The following CUEDC1 variants were observed in gnomAD, a reference collection of about 807,000 sequenced individuals.
CUEDC1 encodes CUE domain containing 1.
CUEDC1 carries 30 observed loss-of-function variants against 43.7 expected under a neutral mutation model. The observed-to-expected ratio is 0.69, with a 90% CI of 0.51 to 0.93. The LOEUF (loss-of-function observed/expected upper bound fraction) is 0.93. Among genes scored for constraint, CUEDC1 ranks in the 40% least tolerant of loss-of-function variants. The pLI, the probability that CUEDC1 is intolerant of heterozygous loss-of-function variation, is 0.00. For missense variants in CUEDC1, 486 were observed against 549.0 expected (o/e 0.89, Z 1.15); for synonymous variants, 223 against 223.6 (o/e 1.00, Z 0.02).
At chr17:57,944,212 T>A (rs28463082) in intron 1 of CUEDC1, among the ~76,000 whole-genome samples, 40,653 of 117,146 alleles carry the variant, frequency 0.35, 5,770 homozygotes, top group African/African-American at 0.41. Context: ...ATATATATAT[T>A]TTTTTTTTTT....
rs1406270642 is a variant in CUEDC1, at chr17:57,926,781, C to CTTTT, written c.-316+28443_-316+28444insAAAA. On this transcript the variant is annotated intron_variant, in intron 1 of 10. Transcript: ENST00000577830. ...CAAATTAGAGGCAAAAATATAACCA[C>CTTTT]ATCGTTTTTCTTTTCAAACCACTCA... 1.1e-3 allele frequency among the ~76,000 whole-genome samples: 173 copies of CTTTT among 152,312 alleles called. 2 individuals are homozygous for CTTTT. Among genetic ancestry groups the CTTTT allele is most frequent in the African/African-American group, 4.1e-3 (169 of 41,570 alleles).
chr17:57,896,370 C>T (rs1156734613), intron 1 of CUEDC1, among the ~76,000 whole-genome samples: 1 of 152,028 alleles, frequency 6.6e-6, no homozygotes, highest in Non-Finnish European at 1.5e-5. Flanking sequence ...CTATATAATG[C>T]TATTCAATAA....
Position 57,885,520 on chromosome 17 carries a change from AC to A in CUEDC1, c.44del (p.Gly15ValfsTer73). On this transcript the variant is annotated frameshift_variant, in exon 2 of 11. Coordinates refer to ENST00000577830, the MANE Select transcript of CUEDC1 (RefSeq NM_001271875.2). LOFTEE classifies it high-confidence loss of function. ...CGCCCCCGCGTGCCCCGGCGGTGCC[AC>A]CCCCGCCGCTGCCGCTGCTGCTCCG... ...FRRSSSGSGG[G>X]GTAGARGGGG... 1 of 1,376,970 alleles carries A rather than the reference AC, an allele frequency of 7.3e-7. No homozygotes were observed. Among genetic ancestry groups the A allele is most frequent in the Non-Finnish European group, 9.3e-7 (1 of 1,073,092 alleles). 85.3% of individuals were successfully genotyped at this position (1,376,970 alleles called of 1,614,324 possible).
rs565629455 is a variant in CUEDC1, at chr17:57,921,371, A to T, written c.-316+33854T>A. ...TTTCTTGAAAAGAAAAGAGATGAAA[A>T]AAAAAAGCAGTGAAACATTCACCCT... On this transcript the variant is annotated intron_variant, in intron 1 of 10. Coordinates refer to ENST00000577830, the MANE Select transcript of CUEDC1 (RefSeq NM_001271875.2). 1.6e-4 allele frequency among the ~76,000 whole-genome samples: 25 copies of T among 152,354 alleles called. No homozygotes were observed. In the South Asian group the frequency reaches 4.8e-3, roughly 29 times the overall value.
In CUEDC1 at chr17:57,872,831, CA is replaced by C. The variant is rs2074054536; in HGVS notation, c.615del (p.Ser207ValfsTer40). 6.2e-7 allele frequency: 1 copy of C among 1,613,662 alleles called. No individual in the cohort carries two copies. The highest frequency in any genetic ancestry group is 8.5e-7 in the Non-Finnish European group (1 of 1,179,874). On this transcript the variant is annotated frameshift_variant, in exon 5 of 11. Coordinates refer to ENST00000577830, the MANE Select transcript of CUEDC1 (RefSeq NM_001271875.2). LOFTEE classifies it high-confidence loss of function. ...GCAGGTGGACATCCCTCTCCACTCC[CA>C]GGCTTGGGGCCCCCAGCGTTACCCT... ...SIQGNAGGPK[P>X]GSGEGCPPAM... is the part of the protein sequence containing the mutation.
At chr17:57,915,975 A>T (rs1402600344) in intron 1 of CUEDC1, among the ~76,000 whole-genome samples, 1 of 152,214 alleles carries the variant, frequency 6.6e-6, no homozygotes, top group African/African-American at 2.4e-5. Flanking sequence ...ATATGACAAA[A>T]ACTTTGCAGA....
intron 1 of CUEDC1, among the ~76,000 whole-genome samples, chr17:57,938,422 C>T (rs2074882225): frequency 6.6e-6 from 1 of 152,170 alleles, no homozygotes; most frequent in South Asian, 2.1e-4. Context: ...CCTGCCTCCA[C>T]CAAGACTTTT....
At chr17:57,871,500 A>T in intron 5 of CUEDC1, 131 bp from the exon 6 acceptor site, 1 of 671,470 alleles carries the variant, frequency 1.5e-6, no homozygotes, top group Non-Finnish European at 2.7e-6. Context: ...CGGGCACCCA[A>T]AATATGAGTG....
intron 6 of CUEDC1, 45 bp downstream of exon 6, chr17:57,871,241 T>G (rs1170778655): frequency 1.4e-6 from 2 of 1,441,158 alleles, no homozygotes; most frequent in Admixed American, 3.3e-5. Flanking sequence ...GGGTGTGAGC[T>G]CCCCACTATG....
At chr17:57,928,271 T>C (rs1598015258) in intron 1 of CUEDC1, among the ~76,000 whole-genome samples, 1 of 152,168 alleles carries the variant, frequency 6.6e-6, no homozygotes, top group Non-Finnish European at 1.5e-5. Context: ...CTAGGGCCGA[T>C]GGGCGTGGTG....
intron 3 of CUEDC1, among the ~76,000 whole-genome samples, chr17:57,874,537 C>T (rs1057169940): frequency 6.6e-6 from 1 of 152,170 alleles, no homozygotes; most frequent in African/African-American, 2.4e-5. Flanking sequence ...GTGGCACACA[C>T]CCTCCCTGAC....
chr17:57,901,914 C>T (rs536860020), intron 1 of CUEDC1, among the ~76,000 whole-genome samples: 2 of 152,220 alleles, frequency 1.3e-5, no homozygotes, highest in Non-Finnish European at 2.9e-5. Context: ...TGGCTCACAC[C>T]TGTAATCCCA....
intron 1 of CUEDC1, among the ~76,000 whole-genome samples, chr17:57,943,558 C>T (rs182095996): frequency 6.6e-6 from 1 of 152,230 alleles, no homozygotes; most frequent in Non-Finnish European, 1.5e-5. Flanking sequence ...CAAGAATTCA[C>T]CATCCATGGC....
chr17:57,952,473 C>T (rs1410533995), intron 1 of CUEDC1, among the ~76,000 whole-genome samples: 1 of 152,082 alleles, frequency 6.6e-6, no homozygotes, highest in East Asian at 1.9e-4. Context: ...GTGATCCACC[C>T]CCCTCGGCCT....
At position 57,916,095 on chromosome 17, in the gene CUEDC1, C is replaced by T. The variant is rs2074637133; in HGVS notation, c.-315-30216G>A. ...CAACCTCTCAGGAGAAACCAAGGGCCGGAAAGGTTAAAGGCCTCACCCTCA... is the reference window on the plus strand; with the variant it reads ...CAACCTCTCAGGAGAAACCAAGGGCTGGAAAGGTTAAAGGCCTCACCCTCA... On this transcript the variant is annotated intron_variant, in intron 1 of 10. Coordinates refer to ENST00000577830, the MANE Select transcript of CUEDC1 (RefSeq NM_001271875.2). Among the ~76,000 whole-genome samples the T allele has an allele frequency of 3.3e-5, 5 of 152,344 alleles. No individual in the cohort carries two copies. In the South Asian group the frequency reaches 8.3e-4, roughly 25 times the overall value.
intron 2 of CUEDC1, among the ~76,000 whole-genome samples, chr17:57,882,342 G>A (rs937100568): frequency 3.3e-5 from 5 of 152,094 alleles, no homozygotes; most frequent in African/African-American, 1.2e-4. Context: ...GAGGGGTACC[G>A]GGAGGGGGCT....
rs559878298 is a variant in CUEDC1 at position 57,934,121 on chromosome 17, C to T, written c.-316+21104G>A. On this transcript the variant is annotated intron_variant, in intron 1 of 10. Transcript: ENST00000577830. ...ACAATATAAAAATAAAGGCCAGGTG[C>T]GGTGGCTCACACCTCTAATCCCAAC... Among the ~76,000 whole-genome samples the T allele has an allele frequency of 2.6e-5, 4 of 152,168 alleles. No individual in the cohort carries two copies. The East Asian group carries it at 7.7e-4, about 29-fold the overall frequency.
chr17:57,936,373 GCTT>G (rs2074862152), intron 1 of CUEDC1, among the ~76,000 whole-genome samples: 2 of 152,212 alleles, frequency 1.3e-5, no homozygotes, highest in African/African-American at 4.8e-5. Context: ...TGTGGTCAGA[GCTT>G]CTTCATTTAT....
At chr17:57,908,772 T>C (rs1598001728) in intron 1 of CUEDC1, among the ~76,000 whole-genome samples, 1 of 152,082 alleles carries the variant, frequency 6.6e-6, no homozygotes, top group Admixed American at 6.5e-5. Flanking sequence ...CTGAGGCAGG[T>C]GGATCACAAG....
Sources: allele counts gnomAD v4.1 joint callset (sites outside exome capture counted in the v4.1 genomes callset), GRCh38; gene constraint gnomAD v4.1.1; transcripts MANE v1.5; gene names NCBI Gene and HGNC (gene_info 2026-07-23, HGNC 2026-07-21).